The following VCAN variants were observed in gnomAD, a reference collection of about 807,000 sequenced individuals.
VCAN encodes the protein versican core protein.
A neutral mutation model predicts 245.5 loss-of-function variants in VCAN; 44 were observed. The ratio of observed to expected loss-of-function variants is 0.18; its 90% CI spans 0.14 to 0.23. The LOEUF is 0.23. VCAN is among the 10% of genes least tolerant of loss of function. The pLI, the probability that VCAN is intolerant of heterozygous loss-of-function variation, is 1.00. For synonymous variants in VCAN, 1,413 were observed against 1,437.0 expected (o/e 0.98, Z 0.38); for missense variants, 3,793 against 4,057.9 (o/e 0.93, Z 1.77).
intron 2 of VCAN, among the ~76,000 whole-genome samples, chr5:83,484,361 C>T (rs1006960268): frequency 5.9e-5 from 9 of 152,078 alleles, no homozygotes; most frequent in Non-Finnish European, 1.2e-4. Context: ...CTCCAGCCAT[C>T]CATTCATCTG....
Position 83,548,004 on chromosome 5 carries a change from A to T in VCAN, c.9413A>T (p.Asn3138Ile), listed in dbSNP as rs1470042735. 5.6e-6 allele frequency: 9 copies of T among 1,613,902 alleles called. No individual in the cohort carries two copies. The highest frequency in any genetic ancestry group is 6.8e-6 in the Non-Finnish European group (8 of 1,179,932). Residue 3138 changes from asparagine (N) to isoleucine (I), a missense_variant, in exon 10 of 15, where the codon AAT becomes ATT. Transcript: ENST00000265077. ...GAATGTCACTCTAATCCCTGTCGTA[A>T]TGGAGCCACTTGTGTTGATGGTTTT... ...FDECHSNPCRNGATCVDGFNT... is the reference protein window; with the variant it reads ...FDECHSNPCRIGATCVDGFNT...
chr5:83,486,710 A>G (rs1744802805), intron 2 of VCAN, among the ~76,000 whole-genome samples: 1 of 152,222 alleles, frequency 6.6e-6, no homozygotes, highest in Non-Finnish European at 1.5e-5. Flanking sequence ...TACAACAATA[A>G]TTTTGATAGC....
intron 12 of VCAN, among the ~76,000 whole-genome samples, chr5:83,565,558 A>G (rs1748049339): frequency 6.6e-6 from 1 of 152,164 alleles, no homozygotes; most frequent in Non-Finnish European, 1.5e-5. Flanking sequence ...AGAGAGGAAA[A>G]GAAATAGAAA....
At chr5:83,547,030 G>C (rs1435306341) in intron 9 of VCAN, among the ~76,000 whole-genome samples, 1 of 152,150 alleles carries the variant, frequency 6.6e-6, no homozygotes, top group Admixed American at 6.5e-5. Flanking sequence ...GGTGGAGGGA[G>C]ATATGGACAC....
Position 83,553,368 on chromosome 5 carries a change from C to T in VCAN, c.9498C>T (p.Thr3166=), listed in dbSNP as rs149711061. The part of the protein sequence containing the change: ...SYVGALCEQD[T]ETCDYGWHKF... ...CTCCTGCCTGTTTCTTCTCAGATAC[C>T]GAGACATGTGACTATGGCTGGCACA... The change falls in exon 11 of 15, where the codon ACC becomes ACT. Residue 3166 remains threonine, a synonymous_variant. Coordinates refer to ENST00000265077, the MANE Select transcript of VCAN (RefSeq NM_004385.5). 6.4e-5 allele frequency: 104 copies of T among 1,613,830 alleles called. No individual in the cohort carries two copies. The highest frequency in any genetic ancestry group is 2.0e-4 in the African/African-American group (15 of 74,872).
rs374678986 is a variant in VCAN, at chr5:83,491,137, C to G, written c.445+665C>G. Among the ~76,000 whole-genome samples, 127 of 152,062 alleles carry G rather than the reference C, an allele frequency of 8.4e-4. 3 individuals are homozygous for G. In the South Asian group the frequency reaches 0.026, roughly 31 times the overall value. ...TTGCAGTGAGACATTTTAGTTTCAC[C>G]CTCTTTTCAGGGGTGGTTTATATGT... On this transcript the variant is annotated intron_variant, in intron 3 of 14. Transcript: ENST00000265077.
intron 5 of VCAN, among the ~76,000 whole-genome samples, chr5:83,494,673 G>A (rs1745102040): frequency 6.6e-6 from 1 of 152,182 alleles, no homozygotes; most frequent in African/African-American, 2.4e-5. Flanking sequence ...GCACAGGGAG[G>A]TGGGCACAGT....
intron 6 of VCAN, 107 bp from the exon 7 acceptor site, chr5:83,519,242 A>T: frequency 8.8e-7 from 1 of 1,141,780 alleles, no homozygotes; most frequent in Non-Finnish European, 1.3e-6. Flanking sequence ...TTTCTGGGCC[A>T]CCCAAAAATA....
At position 83,521,725 on chromosome 5, in the gene VCAN, A is replaced by T. The variant is rs754954701; in HGVS notation, c.3419A>T (p.Tyr1140Phe). 7 of 1,614,166 alleles carry T rather than the reference A, an allele frequency of 4.3e-6. 1 individual carries two copies. In the South Asian group the frequency reaches 6.6e-5, roughly 15 times the overall value. The change falls in exon 7 of 15, where the codon TAT (tyrosine) becomes TTT (phenylalanine). Residue 1140 changes from tyrosine to phenylalanine, a missense_variant. Physicochemically the swap from Tyr to Phe is conservative, Grantham distance 22 (BLOSUM62 3). Coordinates refer to ENST00000265077, the MANE Select transcript of VCAN (RefSeq NM_004385.5). ...TTAAGTCCAGGGCCTGAACAAAAATATGAAACAGAAGGTAGTAGTACAACA... is the reference window on the plus strand; with the variant it reads ...TTAAGTCCAGGGCCTGAACAAAAATTTGAAACAGAAGGTAGTAGTACAACA... Reference protein sequence around the residue: ...VSLSPGPEQKYETEGSSTTGF... With the variant: ...VSLSPGPEQKFETEGSSTTGF...
intron 5 of VCAN, among the ~76,000 whole-genome samples, chr5:83,495,592 A>G (rs1374571981): frequency 1.3e-5 from 2 of 152,214 alleles, no homozygotes; most frequent in African/African-American, 4.8e-5. Flanking sequence ...ATCTGATTAA[A>G]TAAACTAGGA....
chr5:83,537,469 C>T lies in VCAN; in HGVS notation c.4466C>T (p.Thr1489Ile), dbSNP rs199678648. The change falls in exon 8 of 15, where the codon ACA becomes ATA. Residue 1489 changes from threonine (T) to isoleucine (I), a missense_variant. By Grantham distance (89) the Thr-to-Ile change is moderately conservative. Transcript: ENST00000265077. Reference sequence around the variant, plus strand: ...TGGAAGCCTGAGACTTACCCTGAAACATCAGAACATTTTTCAGGTGGTGAG... The same window carrying T: ...TGGAAGCCTGAGACTTACCCTGAAATATCAGAACATTTTTCAGGTGGTGAG... The part of the protein sequence containing the change: ...VTWKPETYPE[T>I]SEHFSGGEPD... 4.5e-5 allele frequency: 73 copies of T among 1,613,894 alleles called. No individual in the cohort carries two copies. In the African/African-American group the frequency reaches 9.2e-4, roughly 20 times the overall value.
intron 5 of VCAN, among the ~76,000 whole-genome samples, chr5:83,511,432 A>T (rs1452826510): frequency 2.0e-5 from 3 of 152,004 alleles, no homozygotes. Context: ...TTCCCTACAC[A>T]CTGGGCCTGG....
chr5:83,502,186 G>T (rs915342660), intron 5 of VCAN, among the ~76,000 whole-genome samples: 8 of 152,042 alleles, frequency 5.3e-5, no homozygotes, highest in South Asian at 4.1e-4. Context: ...TTTTTTAGTG[G>T]ATTCCTTAGG....
rs1746075372 is a variant in VCAN at position 83,521,107 on chromosome 5, C to G, written c.2801C>G (p.Ser934Cys). Residue 934 changes from serine to cysteine, a missense_variant, in exon 7 of 15, where the codon TCT (serine) becomes TGT (cysteine). By Grantham distance (112) the Ser-to-Cys change is moderately radical. Transcript: ENST00000265077. ...GGTGAAGTAGAAGATGTGGACCTCT[C>G]TAAGCCAGTATCTACTGTTCCCCAA... ...ALGEVEDVDL[S>C]KPVSTVPQFA... 4.3e-6 allele frequency: 7 copies of G among 1,614,150 alleles called. No homozygotes were observed. Among genetic ancestry groups the G allele is most frequent in the Non-Finnish European group, 5.1e-6 (6 of 1,179,996 alleles).
At position 83,548,084 on chromosome 5, in the gene VCAN, G is replaced by A; in HGVS notation, c.9493G>A (p.Asp3165Asn). The A allele has an allele frequency of 6.2e-7, 1 of 1,611,322 alleles. No individual in the cohort carries two copies. Among genetic ancestry groups the A allele is most frequent in the Non-Finnish European group, 8.5e-7 (1 of 1,177,494 alleles). ...TTATGTTGGTGCACTTTGTGAGCAA[G>A]GTAAGAGCTATTGCAACATTTGTAT... ...PSYVGALCEQ[D>N]TETCDYGWHK... The change falls in exon 10 of 15, where the codon GAT becomes AAT. Residue 3165 changes from aspartate (D) to asparagine (N), a missense_variant and splice_region_variant. Physicochemically the swap from Asp to Asn is conservative, Grantham distance 23. This residue lies in a region of VCAN where 205 missense variants were observed against 321.1 expected (regional missense o/e 0.64). Coordinates refer to ENST00000265077, the MANE Select transcript of VCAN (RefSeq NM_004385.5).
chr5:83,474,729 G>T (rs980200963), intron 1 of VCAN, among the ~76,000 whole-genome samples: 2 of 152,250 alleles, frequency 1.3e-5, no homozygotes, highest in African/African-American at 4.8e-5. Flanking sequence ...GGAAGGCAGG[G>T]CCCAGCTTAA....
intron 12 of VCAN, among the ~76,000 whole-genome samples, chr5:83,570,045 A>G (rs570649494): frequency 1.3e-5 from 2 of 152,090 alleles, no homozygotes; most frequent in South Asian, 2.1e-4. Context: ...AGAAAAAAAA[A>G]GGGAAATAAT....
chr5:83,526,383 G>T (rs1346780003), intron 7 of VCAN, among the ~76,000 whole-genome samples: 1 of 151,798 alleles, frequency 6.6e-6, no homozygotes, highest in African/African-American at 2.4e-5. Context: ...TAAGATCCAG[G>T]TCCTTTCTTC....
intron 5 of VCAN, among the ~76,000 whole-genome samples, chr5:83,504,721 C>G (rs1333903676): frequency 6.6e-6 from 1 of 152,120 alleles, no homozygotes; most frequent in Non-Finnish European, 1.5e-5. Flanking sequence ...TACTGTAAAC[C>G]TGACATCTTA....
Sources: gnomAD v4.1 joint callset for allele counts (sites outside exome capture counted in the v4.1 genomes callset) on GRCh38, gnomAD v4.1.1 for gene constraint, gnomAD v4.1.1 regional missense constraint, MANE v1.5 for transcripts, NCBI Gene and HGNC (gene_info 2026-07-23, HGNC 2026-07-21) for gene names.